TTLL9: variants seen among roughly 807,000 people sequenced by gnomAD.
TTLL9 encodes probable tubulin polyglutamylase TTLL9.
A neutral mutation model predicts 65.6 loss-of-function variants in TTLL9; 47 were observed. The observed-to-expected ratio is 0.72, with a 90% confidence interval of 0.57 to 0.91. The LOEUF is 0.91. TTLL9 is among the 40% of genes least tolerant of loss of function. The pLI, the probability that TTLL9 is intolerant of heterozygous loss-of-function variation, is 0.00. For synonymous variants in TTLL9, 179 were observed against 204.8 expected (o/e 0.87, Z 1.07); for missense variants, 537 against 568.8 (o/e 0.94, Z 0.57).
intron 4 of TTLL9, among the ~76,000 whole-genome samples, chr20:31,903,658 G>A (rs2063509585): frequency 6.6e-6 from 1 of 152,116 alleles, no homozygotes; most frequent in South Asian, 2.1e-4. Flanking sequence ...TGAGGTAGGT[G>A]TCCAACTTTA....
At chr20:31,873,477 C>T (rs1384661397) in intron 2 of TTLL9, among the ~76,000 whole-genome samples, 7 of 151,784 alleles carry the variant, frequency 4.6e-5, no homozygotes, top group African/African-American at 1.5e-4. Context: ...GGCGAAATTT[C>T]GTCTCTACAA....
At position 31,934,261 on chromosome 20, in the gene TTLL9, C is replaced by T. The variant is rs992081948; in HGVS notation, c.807+403C>T. 1.4e-5 allele frequency: 7 copies of T among 502,442 alleles called. No homozygotes were observed. In the East Asian group the frequency reaches 1.7e-4, roughly 12 times the overall value. 31.1% of individuals were successfully genotyped at this position (502,442 alleles called of 1,614,324 possible). A position where few individuals can be genotyped will look rare whatever the true frequency, so the allele number is the denominator to read the frequency against. On this transcript the variant is annotated intron_variant, in intron 11 of 14. Coordinates refer to ENST00000535842, the MANE Select transcript of TTLL9 (RefSeq NM_001008409.5). ...GACTTCTCAGAGTCAAGGGCCAGAT[C>T]AAGGGGACACAGGAGAGCAGGTCCC...
intron 3 of TTLL9, among the ~76,000 whole-genome samples, chr20:31,888,630 C>G (rs2063232943): frequency 6.6e-6 from 1 of 152,078 alleles, no homozygotes; most frequent in East Asian, 1.9e-4. Flanking sequence ...CGCCACCACG[C>G]CTGGCTAATT....
Position 31,934,816 on chromosome 20 carries a change from A to G in TTLL9, c.932A>G (p.Lys311Arg). Residue 311 changes from lysine (K) to arginine (R), a missense_variant, in exon 12 of 15, where the codon AAG (lysine) becomes AGG (arginine). Lys to Arg is a conservative substitution (Grantham distance 26, BLOSUM62 2). Coordinates refer to ENST00000535842, the MANE Select transcript of TTLL9 (RefSeq NM_001008409.5). ...GTCAAAAGCCTGCAGAGTGTGCAGA[A>G]GGTGATCATCAGTGACAAGCACTGC... ...IFVKSLQSVQ[K>R]VIISDKHCFE... 6.2e-7 allele frequency: 1 copy of G among 1,614,058 alleles called. No individual in the cohort carries two copies. The highest frequency in any genetic ancestry group is 8.5e-7 in the Non-Finnish European group (1 of 1,180,032).
At chr20:31,879,948 G>A (rs1354765714) in intron 2 of TTLL9, 2 of 1,350,134 alleles carry the variant, frequency 1.5e-6, no homozygotes, top group African/African-American at 1.6e-5. Context: ...AAAAAGGGAG[G>A]AAAGCAGCAG....
In TTLL9 at chr20:31,944,088, C is replaced by T. The variant is rs994703692; in HGVS notation, c.*1067C>T. 12 of 326,656 alleles carry T rather than the reference C, an allele frequency of 3.7e-5. No homozygotes were observed. In the East Asian group the frequency reaches 6.0e-4, roughly 16 times the overall value. The allele number at this position is 326,656 out of a possible 1,614,324, so 20.2% of individuals were successfully genotyped here. On this transcript the variant is annotated 3_prime_UTR_variant, in exon 15 of 15. Coordinates refer to ENST00000535842, the MANE Select transcript of TTLL9 (RefSeq NM_001008409.5). ...TGGCAAATCCAAGAAGTGAACCAGC[C>T]GACTTTAGGAAAGCCAGAAGCCAGG...
At position 31,942,992 on chromosome 20, in the gene TTLL9, C is replaced by G. The variant is rs1387024341; in HGVS notation, c.1291C>G (p.Leu431Val). The change falls in exon 15 of 15, where the codon CTT (leucine) becomes GTT (valine). Residue 431 changes from leucine (L) to valine (V), a missense_variant. By Grantham distance (32) the Leu-to-Val change is conservative. This residue lies in a region of TTLL9 where 205 missense variants were observed against 225.9 expected (regional missense o/e 0.91). Coordinates refer to ENST00000535842, the MANE Select transcript of TTLL9 (RefSeq NM_001008409.5). ...ACAACTGAGGCAGCTCTTCTGCTCC[C>G]TTCAAGTTCAGAAGAAAGCTTCCAG... ...KKQLRQLFCS[L>V]QVQKKASS 1 of 1,614,154 alleles carries G rather than the reference C, an allele frequency of 6.2e-7. No individual in the cohort carries two copies.
chr20:31,919,741 G>T, intron 6 of TTLL9, 123 bp from the exon 7 acceptor site: 2 of 708,880 alleles, frequency 2.8e-6, no homozygotes, highest in East Asian at 3.2e-5. Context: ...GCCTTCCTCT[G>T]GGGAGAGTTG....
intron 6 of TTLL9, among the ~76,000 whole-genome samples, chr20:31,913,656 G>A (rs778613609): frequency 4.7e-4 from 71 of 152,286 alleles, no homozygotes; most frequent in African/African-American, 1.7e-3. Flanking sequence ...AAGGGAGCAG[G>A]CAGCATCATT....
rs1292127188 is a variant in TTLL9 at position 31,944,597 on chromosome 20, T to G, written c.*1576T>G. 6.6e-6 allele frequency: 1 copy of G among 152,232 alleles called. No individual in the cohort carries two copies. The highest frequency in any genetic ancestry group is 1.5e-5 in the Non-Finnish European group (1 of 68,066). The allele number at this position is 152,232 out of a possible 1,614,324, so 9.4% of individuals were successfully genotyped here. On this transcript the variant is annotated 3_prime_UTR_variant, in exon 15 of 15. Transcript: ENST00000535842. ...GCTTGTTCCTTATTCTTGATTATAG[T>G]TGTATGGTATTGCACTATCTGGAGC...
chr20:31,874,652 C>T (rs1172475971), intron 2 of TTLL9, among the ~76,000 whole-genome samples: 3 of 151,906 alleles, frequency 2.0e-5, no homozygotes, highest in African/African-American at 4.8e-5. Flanking sequence ...TCAAGTGATC[C>T]ACCCACCTTG....
rs764840405 is a variant in TTLL9 at position 31,934,743 on chromosome 20, G to A, written c.859G>A (p.Gly287Arg). The A allele has an allele frequency of 7.4e-6, 12 of 1,612,778 alleles. No individual in the cohort carries two copies. Among genetic ancestry groups the A allele is most frequent in the African/African-American group, 1.3e-5 (1 of 75,024 alleles). ...RFRQYLASKH[G>R]PEAVETLFRD... Reference sequence around the variant, plus strand: ...CCGGCAGTACCTGGCGTCCAAACACGGGCCCGAGGCAGTGGAGACACTCTT... The same window carrying A: ...CCGGCAGTACCTGGCGTCCAAACACAGGCCCGAGGCAGTGGAGACACTCTT... The change falls in exon 12 of 15, where the codon GGG becomes AGG. Residue 287 changes from glycine (G) to arginine (R), a missense_variant. Coordinates refer to ENST00000535842, the MANE Select transcript of TTLL9 (RefSeq NM_001008409.5).
chr20:31,884,635 C>T (rs1162188880), intron 2 of TTLL9, among the ~76,000 whole-genome samples: 1 of 152,198 alleles, frequency 6.6e-6, no homozygotes, highest in Admixed American at 6.5e-5. Flanking sequence ...AGAGAAACCC[C>T]TTTTCTAGTT....
chr20:31,919,731 G>A (rs544627636), intron 6 of TTLL9, 133 bp from the exon 7 acceptor site: 2 of 629,760 alleles, frequency 3.2e-6, no homozygotes, highest in Admixed American at 3.9e-5. Context: ...CCTTCAGCTA[G>A]CCTTCCTCTG....
At chr20:31,923,494 A>G (rs966205412) in intron 8 of TTLL9, among the ~76,000 whole-genome samples, 1 of 152,190 alleles carries the variant, frequency 6.6e-6, no homozygotes, top group African/African-American at 2.4e-5. Flanking sequence ...GCAATGGGAC[A>G]GAGAGTGACA....
chr20:31,872,901 T>TA, intron 2 of TTLL9: 1 of 458,576 alleles, frequency 2.2e-6, no homozygotes, highest in Non-Finnish European at 4.4e-6. Flanking sequence ...GATTGGGAGT[T>TA]AAAGTTTTCC....
At chr20:31,904,181 C>T (rs1376205670) in intron 4 of TTLL9, among the ~76,000 whole-genome samples, 8 of 152,156 alleles carry the variant, frequency 5.3e-5, no homozygotes, top group African/African-American at 1.9e-4. Context: ...TCACTGGTGA[C>T]AGTACCTTGA....
chr20:31,922,994 A>T lies in TTLL9; in HGVS notation c.605A>T (p.Asp202Val). The T allele has an allele frequency of 6.2e-7, 1 of 1,614,082 alleles. No homozygotes were observed. The highest frequency in any genetic ancestry group is 8.5e-7 in the Non-Finnish European group (1 of 1,179,916). Residue 202 changes from aspartate to valine, a missense_variant, in exon 8 of 15, where the codon GAT (aspartate) becomes GTT (valine). Physicochemically the swap from Asp to Val is radical, Grantham distance 152. Coordinates refer to ENST00000535842, the MANE Select transcript of TTLL9 (RefSeq NM_001008409.5). Reference sequence around the variant, plus strand: ...AGAAGCTCTGACGACCAGAAAGATGATATTCCCGTGGAGAACTATGTGGCT... The same window carrying T: ...AGAAGCTCTGACGACCAGAAAGATGTTATTCCCGTGGAGAACTATGTGGCT... ...DTRSSDDQKD[D>V]IPVENYVAQR...
intron 12 of TTLL9, 25 bp from the exon 13 acceptor site, chr20:31,937,371 A>G (rs993101170): frequency 1.3e-6 from 2 of 1,584,570 alleles, no homozygotes; most frequent in African/African-American, 2.7e-5. Flanking sequence ...TAACCCTAAG[A>G]CTCTCTACTC....
Sources: gnomAD v4.1 joint callset for allele counts (sites outside exome capture counted in the v4.1 genomes callset) on GRCh38, gnomAD v4.1.1 for gene constraint, gnomAD v4.1.1 regional missense constraint, MANE v1.5 for transcripts, NCBI Gene and HGNC (gene_info 2026-07-23, HGNC 2026-07-21) for gene names.